Variants in ANKRD18A observed in about 807,000 individuals in gnomAD.
ANKRD18A encodes ankyrin repeat domain-containing protein 18A.
A neutral mutation model predicts 110.6 loss-of-function variants in ANKRD18A; 72 were observed. The observed-to-expected ratio is 0.65, with a 90% confidence interval of 0.54 to 0.79. The LOEUF (loss-of-function observed/expected upper bound fraction) is 0.79. Among genes scored for constraint, ANKRD18A ranks in the 30% least tolerant of loss-of-function variants. The pLI is 0.00. For missense variants in ANKRD18A, 934 were observed against 1,163.3 expected (o/e 0.80, Z 2.87); for synonymous variants, 305 against 410.3 (o/e 0.74, Z 3.10).
chr9:38,609,696 C>T (rs1294952906), intron 5 of ANKRD18A, among the ~76,000 whole-genome samples: 1 of 151,890 alleles, frequency 6.6e-6, no homozygotes, highest in East Asian at 1.9e-4. Context: ...CTTCTTCTGA[C>T]TTGTAAAGCA....
chr9:38,619,983 C>A, intron 1 of ANKRD18A, 97 bp downstream of exon 1: 7 of 1,437,148 alleles, frequency 4.9e-6, no homozygotes, highest in Non-Finnish European at 6.5e-6. Context: ...TCCGAGGGTG[C>A]CCGGCGCCCT....
intron 15 of ANKRD18A, among the ~76,000 whole-genome samples, chr9:38,574,240 T>G (rs1337368975): frequency 3.3e-5 from 5 of 152,246 alleles, no homozygotes; most frequent in Non-Finnish European, 5.9e-5. Flanking sequence ...GATTTTATTC[T>G]TTTCATGGCT....
chr9:38,579,932 T>C lies in ANKRD18A; in HGVS notation c.2248-1784A>G, dbSNP rs560062021. On this transcript the variant is annotated intron_variant, in intron 12 of 15. Transcript: ENST00000399703. ...CTAATGTATAAAATCAACCTACATG[T>C]CCATCAACAAATGAATGGACAAAAA... is the stretch of plus-strand genomic sequence containing the variant. Among the ~76,000 whole-genome samples, 31 of 152,300 alleles carry C rather than the reference T, an allele frequency of 2.0e-4. No homozygotes were observed. The East Asian group carries it at 5.8e-3, about 28-fold the overall frequency.
intron 12 of ANKRD18A, among the ~76,000 whole-genome samples, chr9:38,579,219 C>T (rs114871211): frequency 0.059 from 8,998 of 152,178 alleles, 276 homozygotes; most frequent in Non-Finnish European, 0.075. Flanking sequence ...AAATGTAAGG[C>T]CCCAAATTAT....
At chr9:38,572,098 AC>A in intron 15 of ANKRD18A, 39 bp from the exon 16 acceptor site, 1 of 1,461,740 alleles carries the variant, frequency 6.8e-7, no homozygotes, top group East Asian at 2.4e-5. Flanking sequence ...TTTACCTAAA[AC>A]ATTTCAGTTA....
At chr9:38,589,309 A>C (rs1382441146) in intron 10 of ANKRD18A, among the ~76,000 whole-genome samples, 1 of 152,230 alleles carries the variant, frequency 6.6e-6, no homozygotes, top group Non-Finnish European at 1.5e-5. Context: ...TCTCATCCAG[A>C]GATCTATTTT....
chr9:38,566,814 TAG>T (rs1408624432), downstream of ANKRD18A: 1 of 152,142 alleles, frequency 6.6e-6, no homozygotes, highest in African/African-American at 2.4e-5. Flanking sequence ...GGAGGTGACA[TAG>T]AGTTTTCAAT....
chr9:38,590,134 C>G (rs1333625461), intron 10 of ANKRD18A, among the ~76,000 whole-genome samples: 2 of 152,054 alleles, frequency 1.3e-5, no homozygotes, highest in African/African-American at 4.8e-5. Context: ...GTATACTTTG[C>G]TTTGTCCTTT....
rs543051435 is a variant in ANKRD18A, at chr9:38,581,851, A to G, written c.2248-3703T>C. On this transcript the variant is annotated intron_variant, in intron 12 of 15. Coordinates refer to ENST00000399703, the MANE Select transcript of ANKRD18A (RefSeq NM_147195.4). ...CTGATTTTTAAGTGCTGCACTCCTA[A>G]AACTTTTTCTTGGAATGAGTTAAAC... 1.1e-4 allele frequency among the ~76,000 whole-genome samples: 16 copies of G among 152,120 alleles called. No individual in the cohort carries two copies. The South Asian group carries it at 1.9e-3, about 18-fold the overall frequency.
At chr9:38,612,433 G>A (rs185062759) in intron 3 of ANKRD18A, among the ~76,000 whole-genome samples, 192 of 150,958 alleles carry the variant, frequency 1.3e-3, no homozygotes, top group Admixed American at 3.6e-3. Flanking sequence ...AAATACAATG[G>A]CTTATCAAAA....
intron 10 of ANKRD18A, among the ~76,000 whole-genome samples, chr9:38,590,213 T>C (rs1824584140): frequency 6.6e-6 from 1 of 151,924 alleles, no homozygotes; most frequent in Non-Finnish European, 1.5e-5. Flanking sequence ...TCTCTCTTTC[T>C]TCTTTTTTGT....
At chr9:38,578,973 T>G (rs1184731830) in intron 12 of ANKRD18A, among the ~76,000 whole-genome samples, 1 of 152,230 alleles carries the variant, frequency 6.6e-6, no homozygotes, top group African/African-American at 2.4e-5. Context: ...TAATTTGAAT[T>G]GCATTTTAAG....
chr9:38,601,285 C>T, intron 7 of ANKRD18A, 81 bp from the exon 8 acceptor site: 1 of 1,282,618 alleles, frequency 7.8e-7, no homozygotes, highest in South Asian at 1.5e-5. Flanking sequence ...ACAACACACA[C>T]TTTTATAAAT....
chr9:38,598,955 A>T (rs1334382475), intron 8 of ANKRD18A, among the ~76,000 whole-genome samples: 1 of 152,208 alleles, frequency 6.6e-6, no homozygotes, highest in Non-Finnish European at 1.5e-5. Flanking sequence ...ATGTCTAATG[A>T]CTAATTTCCA....
At chr9:38,619,283 G>C (rs1825984243) in intron 1 of ANKRD18A, among the ~76,000 whole-genome samples, 1 of 152,048 alleles carries the variant, frequency 6.6e-6, no homozygotes, top group Admixed American at 6.6e-5. Flanking sequence ...AGTTTCATTA[G>C]TTTTCTTCAC....
At chr9:38,573,659 G>C (rs937311900) in intron 15 of ANKRD18A, among the ~76,000 whole-genome samples, 1 of 151,856 alleles carries the variant, frequency 6.6e-6, no homozygotes, top group Non-Finnish European at 1.5e-5. Flanking sequence ...AGGTTGCAGT[G>C]AGCCGAGATC....
At chr9:38,619,497 T>C (rs1825997084) in intron 1 of ANKRD18A, among the ~76,000 whole-genome samples, 1 of 152,206 alleles carries the variant, frequency 6.6e-6, no homozygotes, top group African/African-American at 2.4e-5. Context: ...GGAGCAAGTC[T>C]TTTCACTCCA....
chr9:38,568,214 GAAGCCCAC>G (rs1013915715), downstream of ANKRD18A: 1 of 152,344 alleles, frequency 6.6e-6, no homozygotes. Context: ...TGGCACCCAA[GAAGCCCAC>G]AGTGCTGTAG....
Position 38,575,381 on chromosome 9 carries a change from T to A in ANKRD18A, c.2964+95A>T. 2.4e-6 allele frequency: 3 copies of A among 1,264,754 alleles called. No homozygotes were observed. The South Asian group carries it at 4.9e-5, about 21-fold the overall frequency. The allele number at this position is 1,264,754 out of a possible 1,614,324, so 78.3% of individuals were successfully genotyped here. On this transcript the variant is annotated intron_variant, in intron 15 of 15. Coordinates refer to ENST00000399703, the MANE Select transcript of ANKRD18A (RefSeq NM_147195.4). ...AGCTAATTATAATCTTTACTTAACA[T>A]GCGTAAGTCAACAGAACTCAGTATT...
Sources: allele counts gnomAD v4.1 joint callset (sites outside exome capture counted in the v4.1 genomes callset), GRCh38; gene constraint gnomAD v4.1.1; transcripts MANE v1.5; gene names NCBI Gene and HGNC (gene_info 2026-07-23, HGNC 2026-07-21).